RTN4: variants seen among roughly 807,000 people sequenced by gnomAD.
The protein encoded by RTN4 is reticulon-4.
Under a neutral mutation model 90.4 loss-of-function variants are expected in RTN4, and 32 were observed. The ratio of observed to expected loss-of-function variants is 0.35; its 90% CI spans 0.27 to 0.48. RTN4 has a LOEUF of 0.48. Ranked by LOEUF, RTN4 falls within the 20% of genes least tolerant of loss-of-function variation. The probability of loss-of-function intolerance (pLI) is 0.99; values close to 1 mark genes in which losing one functional copy is unlikely to be tolerated. For missense variants in RTN4, 1,706 were observed against 1,430.2 expected, an observed-to-expected ratio of 1.19 and a Z score of -3.11; for synonymous variants, 629 against 552.5, an observed-to-expected ratio of 1.14 and a Z score of -1.94.
chr2:54,980,612 T>G (rs1487584370), intron 5 of RTN4, among the ~76,000 whole-genome samples: 1 of 151,216 alleles, frequency 6.6e-6, no homozygotes, highest in Non-Finnish European at 1.5e-5. Context: ...GTTGCCGTGT[T>G]TATTGAATCT....
chr2:55,064,349 CT>C (rs70947003), intron 2 of RTN4, among the ~76,000 whole-genome samples: 1,728 of 133,332 alleles, frequency 0.013, 10 homozygotes, highest in Non-Finnish European at 0.018. Context: ...CACAAACATT[CT>C]TTTTTTTTTT....
chr2:55,033,846 T>C (rs963429699), intron 1 of RTN4, among the ~76,000 whole-genome samples: 3 of 152,236 alleles, frequency 2.0e-5, no homozygotes, highest in Non-Finnish European at 4.4e-5. Flanking sequence ...GACTGGGTTA[T>C]ATATCACCTC....
At chr2:55,106,954 A>G (rs900454845) in intron 1 of RTN4, among the ~76,000 whole-genome samples, 2 of 152,174 alleles carry the variant, frequency 1.3e-5, no homozygotes, top group African/African-American at 2.4e-5. Context: ...GTGTAAAATC[A>G]TATATTTTAG....
intron 1 of RTN4, among the ~76,000 whole-genome samples, chr2:55,041,282 T>A (rs1354771065): frequency 6.6e-6 from 1 of 152,094 alleles, no homozygotes; most frequent in African/African-American, 2.4e-5. Context: ...ACCACGTGTT[T>A]ATGGAAAAAT....
chr2:55,070,719 C>T lies in RTN4; in HGVS notation c.-63+9770G>A, dbSNP rs117958410. Among the ~76,000 whole-genome samples the T allele has an allele frequency of 5.9e-3, 900 of 151,332 alleles. 29 individuals are homozygous for T. Among genetic ancestry groups the T allele is most frequent in the Admixed American group, 0.049 (745 of 15,128 alleles). On this transcript the variant is annotated intron_variant, in intron 2 of 3. Coordinates refer to the RTN4 transcript ENST00000427710. The stretch of plus-strand genomic sequence containing the variant: ...ATCTCAGCATATAAAAATCTCCACT[C>T]CTATCAAGGACAAACAGCTGTTTTG...
intron 1 of RTN4, among the ~76,000 whole-genome samples, chr2:55,033,943 C>T (rs1053059147): frequency 6.6e-6 from 1 of 152,168 alleles, no homozygotes. Context: ...TATAATTTCT[C>T]TACTGTACTA....
chr2:55,118,572 A>C, the RTN4 span, among the ~76,000 whole-genome samples: 1 of 150,858 alleles, frequency 6.6e-6, no homozygotes, highest in African/African-American at 2.4e-5. Context: ...TTCTTTTGTA[A>C]AACAATCCTC....
intron 1 of RTN4, among the ~76,000 whole-genome samples, chr2:55,040,753 T>C (rs2104938140): frequency 6.6e-6 from 1 of 152,130 alleles, no homozygotes; most frequent in Middle Eastern, 3.4e-3. Context: ...ACAACCTCTA[T>C]TCATCTTTCT....
At chr2:55,069,161 G>A (rs1161159582) in intron 2 of RTN4, among the ~76,000 whole-genome samples, 1 of 152,210 alleles carries the variant, frequency 6.6e-6, no homozygotes, top group Non-Finnish European at 1.5e-5. Flanking sequence ...CACACTTTGA[G>A]AATTGCTGAT....
At chr2:55,037,720 T>TC (rs1682788073) in intron 1 of RTN4, among the ~76,000 whole-genome samples, 1 of 152,138 alleles carries the variant, frequency 6.6e-6, no homozygotes, top group African/African-American at 2.4e-5. Flanking sequence ...ACGTCACTTA[T>TC]CCCCCCTACT....
chr2:55,069,374 C>T (rs531600287), intron 2 of RTN4, among the ~76,000 whole-genome samples: 1 of 152,280 alleles, frequency 6.6e-6, no homozygotes, highest in Non-Finnish European at 1.5e-5. Context: ...TAACCGCCCC[C>T]CTCAAAAAAA....
chr2:54,973,118 CTT>C lies in RTN4; in HGVS notation c.*36_*37del, dbSNP rs1160256009. On this transcript the variant is annotated 3_prime_UTR_variant, in exon 9 of 9. Transcript: ENST00000337526. Reference sequence around the variant, plus strand: ...CCCCGTATAATCAAATGAATATCCCCTTTAAAGATGAACTCCTACTAATTATT... The same window carrying C: ...CCCCGTATAATCAAATGAATATCCCCTAAAGATGAACTCCTACTAATTATT... 1.3e-6 allele frequency: 2 copies of C among 1,569,198 alleles called. No homozygotes were observed. The highest frequency in any genetic ancestry group is 8.8e-7 in the Non-Finnish European group (1 of 1,142,160).
intron 2 of RTN4, among the ~76,000 whole-genome samples, chr2:55,066,442 C>T (rs753153889): frequency 6.6e-6 from 1 of 152,042 alleles, no homozygotes; most frequent in Non-Finnish European, 1.5e-5. Context: ...CACCTGTAAT[C>T]CCAGCACTTT....
chr2:55,093,126 A>G (rs1668970525), intron 1 of RTN4, among the ~76,000 whole-genome samples: 1 of 152,176 alleles, frequency 6.6e-6, no homozygotes, highest in Non-Finnish European at 1.5e-5. Context: ...TTGATAGCTT[A>G]TGATGCACAT....
Position 55,028,218 on chromosome 2 carries a change from C to T in RTN4, c.559G>A (p.Glu187Lys). The stretch of plus-strand genomic sequence containing the variant: ...GCAGCAGGAAGAGCAAAAAGGGTCT[C>T]ATCTGAAAAACAAATAGAATATAAC... ...KRRGSSGSVD[E>K]TLFALPAASE... The change falls in exon 2 of 9, where the codon GAG becomes AAG. Residue 187 changes from glutamate to lysine, a missense_variant and splice_region_variant. Physicochemically the swap from Glu to Lys is moderately conservative, Grantham distance 56. Transcript: ENST00000337526. 1 of 1,612,352 alleles carries T rather than the reference C, an allele frequency of 6.2e-7. No individual in the cohort carries two copies.
At chr2:54,974,982 T>A (rs1291971865) in intron 5 of RTN4, among the ~76,000 whole-genome samples, 1 of 152,222 alleles carries the variant, frequency 6.6e-6, no homozygotes, top group Non-Finnish European at 1.5e-5. Flanking sequence ...TTCTCTGGAC[T>A]ACACTACCAA....
At chr2:55,038,354 T>C (rs2104926902) in intron 1 of RTN4, among the ~76,000 whole-genome samples, 1 of 152,104 alleles carries the variant, frequency 6.6e-6, no homozygotes, top group Admixed American at 6.5e-5. Context: ...ACTAGGAGAA[T>C]ATATTCACAA....
chr2:54,981,669 A>C (rs772066834), intron 5 of RTN4, among the ~76,000 whole-genome samples: 6 of 152,174 alleles, frequency 3.9e-5, no homozygotes, highest in Non-Finnish European at 7.4e-5. Flanking sequence ...GCAAGGTGAG[A>C]CTCTTAACAG....
the RTN4 span, among the ~76,000 whole-genome samples, chr2:55,134,368 G>A: frequency 8.5e-5 from 13 of 152,092 alleles, no homozygotes; most frequent in African/African-American, 2.9e-4. Context: ...CTGAGGAAAT[G>A]GGAAAGCAGA....
Sources: gnomAD v4.1 joint callset for allele counts (sites outside exome capture counted in the v4.1 genomes callset) on GRCh38, gnomAD v4.1.1 for gene constraint, MANE v1.5 for transcripts, NCBI Gene and HGNC (gene_info 2026-07-23, HGNC 2026-07-21) for gene names.